PCDHGB4: variants seen among roughly 807,000 people sequenced by gnomAD.
PCDHGB4 encodes the protein protocadherin gamma subfamily B, 4.
Under a neutral mutation model 60.5 loss-of-function variants are expected in PCDHGB4, and 38 were observed. The observed-to-expected ratio is 0.63, with a 90% confidence interval of 0.48 to 0.82. PCDHGB4 has a LOEUF of 0.82. Among genes scored for constraint, PCDHGB4 ranks in the 40% least tolerant of loss-of-function variants. The pLI is 0.00. For missense variants in PCDHGB4, 1,109 were observed against 1,209.6 expected (o/e 0.92, Z 1.23); for synonymous variants, 456 against 509.7 (o/e 0.89, Z 1.42).
At chr5:141,472,022 T>C (rs949257396) in intron 1 of PCDHGB4, among the ~76,000 whole-genome samples, 1 of 152,176 alleles carries the variant, frequency 6.6e-6, no homozygotes, top group Non-Finnish European at 1.5e-5. Flanking sequence ...CTATATTGTA[T>C]GTAGAAAGCT....
At chr5:141,419,739 G>A (rs200899065) in intron 1 of PCDHGB4, 179 of 1,613,652 alleles carry the variant, frequency 1.1e-4, no homozygotes, top group Admixed American at 2.5e-4. Context: ...GGCGAGGTGC[G>A]CATGGTGCGT....
chr5:141,446,275 A>G (rs1229842331), intron 1 of PCDHGB4, among the ~76,000 whole-genome samples: 1 of 152,156 alleles, frequency 6.6e-6, no homozygotes, highest in African/African-American at 2.4e-5. Flanking sequence ...GAATAAATAC[A>G]ATGGATAAAT....
chr5:141,475,739 T>C (rs190533989), intron 1 of PCDHGB4, among the ~76,000 whole-genome samples: 593 of 152,384 alleles, frequency 3.9e-3, no homozygotes, highest in Non-Finnish European at 6.7e-3. Flanking sequence ...TTCCCTAAGG[T>C]AGGTTTCCTA....
intron 1 of PCDHGB4, among the ~76,000 whole-genome samples, chr5:141,459,494 G>C (rs1454297107): frequency 2.0e-5 from 3 of 152,200 alleles, no homozygotes; most frequent in African/African-American, 7.2e-5. Context: ...CTGAATTAAA[G>C]TGATGTGAAC....
chr5:141,503,547 C>T (rs545918096), intron 2 of PCDHGB4, among the ~76,000 whole-genome samples: 22 of 147,734 alleles, frequency 1.5e-4, no homozygotes, highest in African/African-American at 4.8e-4. Flanking sequence ...TGCAGTGAGC[C>T]GAGATCGCGC....
rs115001531 is a variant in PCDHGB4, at chr5:141,495,385, G to A, written c.2456+520G>A. Among the ~76,000 whole-genome samples the A allele has an allele frequency of 2.2e-3, 339 of 152,328 alleles. 1 individual carries two copies. Among genetic ancestry groups the A allele is most frequent in the African/African-American group, 7.9e-3 (329 of 41,590 alleles). ...AGGTGGAACTGAGGAAGGACTGGGC[G>A]GGGCATGGAGCAGGCCCCCTTCTCC... On this transcript the variant is annotated intron_variant, in intron 2 of 3. Transcript: ENST00000519479.
intron 1 of PCDHGB4, among the ~76,000 whole-genome samples, chr5:141,451,430 T>C (rs1441183396): frequency 2.0e-5 from 3 of 152,240 alleles, no homozygotes; most frequent in Non-Finnish European, 4.4e-5. Context: ...AGACTAAGGG[T>C]TCCAGTTCCT....
intron 1 of PCDHGB4, chr5:141,442,400 C>G (rs1478739190): frequency 6.6e-6 from 1 of 152,224 alleles, no homozygotes; most frequent in Admixed American, 6.5e-5. Context: ...TCCTACGAAT[C>G]CAGGGCTGAG....
intron 1 of PCDHGB4, among the ~76,000 whole-genome samples, chr5:141,405,967 G>A (rs76683972): frequency 6.6e-6 from 1 of 152,068 alleles, no homozygotes; most frequent in Non-Finnish European, 1.5e-5. Flanking sequence ...TGCTGTCAAC[G>A]TAAACCATAC....
At chr5:141,407,980 C>T in intron 1 of PCDHGB4, 1 of 760,358 alleles carries the variant, frequency 1.3e-6, no homozygotes, top group Non-Finnish European at 2.0e-6. Context: ...CGCCGGGGAT[C>T]CGTCAGCCTC....
chr5:141,466,754 C>G (rs1045917268), intron 1 of PCDHGB4, among the ~76,000 whole-genome samples: 2 of 152,138 alleles, frequency 1.3e-5, no homozygotes, highest in South Asian at 2.1e-4. Context: ...GATAGGGGCT[C>G]TTTTCAAACT....
At chr5:141,456,899 G>T (rs1592472053) in intron 1 of PCDHGB4, among the ~76,000 whole-genome samples, 1 of 152,212 alleles carries the variant, frequency 6.6e-6, no homozygotes, top group East Asian at 1.9e-4. Context: ...GGAGGCAGAG[G>T]TTGCAGTGAG....
chr5:141,433,255 A>G (rs2097579829), intron 1 of PCDHGB4: 2 of 1,401,470 alleles, frequency 1.4e-6, no homozygotes, highest in South Asian at 1.4e-5. Context: ...ATGCAGCGGT[A>G]CGATCATAGC....
intron 1 of PCDHGB4, chr5:141,423,619 T>A (rs1389600826): frequency 1.2e-6 from 2 of 1,608,208 alleles, no homozygotes; most frequent in Non-Finnish European, 1.7e-6. Context: ...AGCTGAAGAC[T>A]CAGCTATCAT....
intron 1 of PCDHGB4, chr5:141,398,897 C>G (rs761364649): frequency 2.1e-5 from 34 of 1,613,932 alleles, no homozygotes; most frequent in Non-Finnish European, 2.8e-5. Context: ...AACGTGCCAC[C>G]AGGCACCACT....
intron 1 of PCDHGB4, chr5:141,430,820 G>C (rs1194897001): frequency 6.5e-7 from 1 of 1,541,598 alleles, no homozygotes; most frequent in East Asian, 2.3e-5. Context: ...AATCCTCCTG[G>C]GGACTCTGTG....
rs570765907 is a variant in PCDHGB4, at chr5:141,414,583, G to T, written c.2397+24302G>T. The T allele has an allele frequency of 5.6e-6, 9 of 1,613,854 alleles. No individual in the cohort carries two copies. In the South Asian group the frequency reaches 8.8e-5, roughly 16 times the overall value. On this transcript the variant is annotated intron_variant, in intron 1 of 3. Coordinates refer to ENST00000519479, the MANE Select transcript of PCDHGB4 (RefSeq NM_003736.4). Reference sequence around the variant, plus strand: ...CTTTACCTATATCCCAGAGAACAACGCCAGGGGTGCCTCCATCTTCTCAGT... The same window carrying T: ...CTTTACCTATATCCCAGAGAACAACTCCAGGGGTGCCTCCATCTTCTCAGT...
rs374857095 is a variant in PCDHGB4, at chr5:141,409,142, A to G, written c.2397+18861A>G. 6 of 1,613,904 alleles carry G rather than the reference A, an allele frequency of 3.7e-6. No individual in the cohort carries two copies. In the African/African-American group the frequency reaches 6.7e-5, roughly 18 times the overall value. ...GTCATTTGATTTTGAAGATGTAGAA[A>G]GGTACACCATGGAAGTGGAAGCGAA... is the stretch of plus-strand genomic sequence containing the variant. On this transcript the variant is annotated intron_variant, in intron 1 of 3. Coordinates refer to ENST00000519479, the MANE Select transcript of PCDHGB4 (RefSeq NM_003736.4).
In PCDHGB4 at chr5:141,413,117, C is replaced by G. The variant is rs902301902; in HGVS notation, c.2397+22836C>G. 1.9e-5 allele frequency: 29 copies of G among 1,509,004 alleles called. No homozygotes were observed. In the African/African-American group the frequency reaches 4.1e-4, roughly 21 times the overall value. The allele number at this position is 1,509,004 out of a possible 1,614,324, so 93.5% of individuals were successfully genotyped here. ...TGAAGCCACAGAAAGACAAAGGAAC[C>G]GGTTGAAACACACAACGTGTCCAGT... On this transcript the variant is annotated intron_variant, in intron 1 of 3. Transcript: ENST00000519479.
Sources: gnomAD v4.1 joint callset for allele counts (sites outside exome capture counted in the v4.1 genomes callset) on GRCh38, gnomAD v4.1.1 for gene constraint, MANE v1.5 for transcripts, NCBI Gene and HGNC (gene_info 2026-07-23, HGNC 2026-07-21) for gene names.